The following INPP4B variants were observed in gnomAD, a reference collection of about 807,000 sequenced individuals.
INPP4B encodes inositol polyphosphate-4-phosphatase type II B.
INPP4B carries 55 observed loss-of-function variants against 122.5 expected under a neutral mutation model. That is an observed-to-expected ratio of 0.45 (90% CI 0.36 to 0.56). The LOEUF (loss-of-function observed/expected upper bound fraction) is 0.56, where lower values mean the gene tolerates loss of function less well. Ranked by LOEUF, INPP4B falls within the 20% of genes least tolerant of loss-of-function variation. INPP4B has a pLI of 0.00. For missense variants in INPP4B, 1,000 were observed against 1,097.7 expected (o/e 0.91, Z 1.26); for synonymous variants, 403 against 388.7 (o/e 1.04, Z -0.43).
chr4:142,620,905 G>A lies in INPP4B; in HGVS notation c.-191+104934C>T, dbSNP rs116560416. Among the ~76,000 whole-genome samples, 1,016 of 151,754 alleles carry A rather than the reference G, an allele frequency of 6.7e-3. 16 individuals are homozygous for A. The highest frequency in any genetic ancestry group is 0.023 in the African/African-American group (956 of 41,422). The stretch of plus-strand genomic sequence containing the variant: ...GTTTTTTAGATGATGGAATTGCACT[G>A]TATTCTGATTGTGTTGGTGGTTATA... On this transcript the variant is annotated intron_variant, in intron 2 of 25. Transcript: ENST00000262992.
At chr4:142,654,439 C>G (rs1042462818) in intron 2 of INPP4B, 4 of 150,010 alleles carry the variant, frequency 2.7e-5, no homozygotes, top group African/African-American at 9.8e-5. Flanking sequence ...GGTCACTTTC[C>G]TCTGCTCTTC....
At chr4:142,347,644 A>C (rs1780695907) in intron 7 of INPP4B, 1 of 334,532 alleles carries the variant, frequency 3.0e-6, no homozygotes, top group African/African-American at 2.2e-5. Context: ...AAATAGTTTA[A>C]AAATTCATTA....
chr4:142,594,913 T>C (rs1250778525), intron 2 of INPP4B, among the ~76,000 whole-genome samples: 2 of 132,400 alleles, frequency 1.5e-5, no homozygotes, highest in Non-Finnish European at 1.5e-5. Flanking sequence ...CAAGATCGCG[T>C]CACTGCACTC....
chr4:142,090,396 ATTTT>A (rs33979683), intron 23 of INPP4B, among the ~76,000 whole-genome samples: 17 of 147,684 alleles, frequency 1.2e-4, no homozygotes, highest in Non-Finnish European at 3.0e-5. Flanking sequence ...GGTTGCTGCC[ATTTT>A]TTTTTTTTTC....
chr4:142,118,326 G>A (rs529974685), intron 21 of INPP4B, among the ~76,000 whole-genome samples: 15 of 151,894 alleles, frequency 9.9e-5, no homozygotes, highest in East Asian at 3.9e-4. Flanking sequence ...AAAAGAGCAC[G>A]CATTGCCAAG....
chr4:142,766,522 C>A (rs552981079), intron 1 of INPP4B, among the ~76,000 whole-genome samples: 2 of 152,060 alleles, frequency 1.3e-5, no homozygotes, highest in South Asian at 2.1e-4. Context: ...AGCCGTGCAC[C>A]ACCGCACTCA....
chr4:142,028,684 C>T lies in INPP4B; in HGVS notation c.*98G>A. On this transcript the variant is annotated 3_prime_UTR_variant, in exon 26 of 26. Coordinates refer to ENST00000262992, the MANE Select transcript of INPP4B (RefSeq NM_001101669.3). Reference sequence around the variant, plus strand: ...AAACATCTGTGATCATCTCCCCCACCACAAATTCATGACAATAAAAACAAA... The same window carrying T: ...AAACATCTGTGATCATCTCCCCCACTACAAATTCATGACAATAAAAACAAA... 7.6e-7 allele frequency: 1 copy of T among 1,312,972 alleles called. No individual in the cohort carries two copies. The highest frequency in any genetic ancestry group is 1.0e-6 in the Non-Finnish European group (1 of 954,014). 81.3% of individuals were successfully genotyped at this position (1,312,972 alleles called of 1,614,324 possible).
At chr4:142,829,241 T>A (rs1781806167) in intron 1 of INPP4B, among the ~76,000 whole-genome samples, 1 of 152,120 alleles carries the variant, frequency 6.6e-6, no homozygotes, top group South Asian at 2.1e-4. Context: ...TTTTCCACCA[T>A]GCTCTTTGCC....
At chr4:142,346,268 C>A (rs1780294357) in intron 7 of INPP4B, among the ~76,000 whole-genome samples, 1 of 152,142 alleles carries the variant, frequency 6.6e-6, no homozygotes, top group South Asian at 2.1e-4. Flanking sequence ...TAAATCCAAG[C>A]ATCAAAACTT....
intron 18 of INPP4B, among the ~76,000 whole-genome samples, chr4:142,127,332 T>G (rs1173800410): frequency 1.3e-5 from 2 of 152,310 alleles, no homozygotes; most frequent in East Asian, 3.9e-4. Flanking sequence ...TAATTAAATA[T>G]TTGTTTCTCT....
chr4:142,060,141 G>A (rs1027431456), intron 25 of INPP4B, among the ~76,000 whole-genome samples: 5 of 151,982 alleles, frequency 3.3e-5, no homozygotes, highest in South Asian at 4.2e-4. Context: ...ACTGCCCCAT[G>A]GGATTTCTAC....
chr4:142,040,926 T>C (rs17015306), intron 25 of INPP4B, among the ~76,000 whole-genome samples: 2,327 of 152,262 alleles, frequency 0.015, 57 homozygotes, highest in African/African-American at 0.053. Context: ...GTCTAAGCCT[T>C]CTGATTCTAT....
intron 2 of INPP4B, among the ~76,000 whole-genome samples, chr4:142,630,075 C>G (rs115077549): frequency 0.018 from 2,680 of 152,166 alleles, 27 homozygotes; most frequent in Non-Finnish European, 0.028. Flanking sequence ...TTTCTCCTTT[C>G]TGATGGCAAT....
intron 9 of INPP4B, among the ~76,000 whole-genome samples, chr4:142,304,271 A>G (rs147439346): frequency 1.3e-3 from 204 of 152,262 alleles, no homozygotes; most frequent in Non-Finnish European, 2.5e-3. Context: ...CTCAAACTGA[A>G]AACAGTAACA....
intron 2 of INPP4B, among the ~76,000 whole-genome samples, chr4:142,575,956 T>C (rs932176475): frequency 6.6e-6 from 1 of 152,052 alleles, no homozygotes; most frequent in Non-Finnish European, 1.5e-5. Context: ...ATTTAAGAGA[T>C]TGAATTCCCA....
chr4:142,566,275 C>T (rs1419256205), intron 2 of INPP4B: 4 of 152,024 alleles, frequency 2.6e-5, no homozygotes, highest in Admixed American at 2.6e-4. Flanking sequence ...ATTTCAGGCA[C>T]ATAGTCATAA....
intron 3 of INPP4B, among the ~76,000 whole-genome samples, chr4:142,438,686 C>A (rs1190721421): frequency 6.6e-6 from 1 of 151,730 alleles, no homozygotes; most frequent in Non-Finnish European, 1.5e-5. Context: ...GCAACAAAAG[C>A]AAAATTGACA....
chr4:142,310,688 T>TC (rs1333493384), intron 8 of INPP4B, among the ~76,000 whole-genome samples: 1 of 151,792 alleles, frequency 6.6e-6, no homozygotes, highest in Non-Finnish European at 1.5e-5. Flanking sequence ...TTTTTTTTTT[T>TC]TTTCTGTTAA....
intron 12 of INPP4B, among the ~76,000 whole-genome samples, chr4:142,229,814 C>T (rs1853366503): frequency 6.6e-6 from 1 of 152,152 alleles, no homozygotes; most frequent in African/African-American, 2.4e-5. Context: ...ACATAGTAAG[C>T]TGACCTCATT....
Sources: allele counts gnomAD v4.1 joint callset (sites outside exome capture counted in the v4.1 genomes callset), GRCh38; gene constraint gnomAD v4.1.1; transcripts MANE v1.5; gene names NCBI Gene and HGNC (gene_info 2026-07-23, HGNC 2026-07-21).